Variants in LAMB4 observed in about 807,000 individuals in gnomAD.
The protein encoded by LAMB4 is laminin subunit beta-4.
A neutral mutation model predicts 199.2 loss-of-function variants in LAMB4; 196 were observed. That is an observed-to-expected ratio of 0.98 (90% CI 0.88 to 1.11). The LOEUF is 1.11. Ranked by LOEUF, LAMB4 falls within the 50% of genes least tolerant of loss-of-function variation. The pLI, the probability that LAMB4 is intolerant of heterozygous loss-of-function variation, is 0.00. For missense variants in LAMB4, 2,080 were observed against 2,171.2 expected, an observed-to-expected ratio of 0.96 and a Z score of 0.83; for synonymous variants, 744 against 770.6, an observed-to-expected ratio of 0.97 and a Z score of 0.57.
chr7:108,063,260 C>T (rs1365665349), intron 22 of LAMB4, among the ~76,000 whole-genome samples: 1 of 152,136 alleles, frequency 6.6e-6, no homozygotes, highest in African/African-American at 2.4e-5. Context: ...ATTTTTCCCT[C>T]ATGTCACTCA....
intron 4 of LAMB4, among the ~76,000 whole-genome samples, chr7:108,109,723 G>A (rs1235589508): frequency 6.6e-6 from 1 of 152,132 alleles, no homozygotes; most frequent in Non-Finnish European, 1.5e-5. Context: ...TATTCCCCTT[G>A]GAGTGGGGAC....
chr7:108,025,439 T>TCTTTTCTTTTCTTTCTTTCTTTC (rs1563024866), intron 33 of LAMB4, among the ~76,000 whole-genome samples: 1 of 127,884 alleles, frequency 7.8e-6, no homozygotes, highest in African/African-American at 4.4e-5. Context: ...TTTCTTTTTT[T>TCTTTTCTTTTCTTTCTTTCTTTC]TTTTTTGAGA....
chr7:108,045,488 C>T (rs1194628279), intron 28 of LAMB4, among the ~76,000 whole-genome samples: 1 of 152,208 alleles, frequency 6.6e-6, no homozygotes, highest in Non-Finnish European at 1.5e-5. Context: ...TCCAGTTCTC[C>T]ATTTATGTGC....
intron 5 of LAMB4, among the ~76,000 whole-genome samples, chr7:108,108,890 T>TTATCTTTA (rs1563101441): frequency 6.6e-6 from 1 of 152,190 alleles, no homozygotes; most frequent in Non-Finnish European, 1.5e-5. Context: ...CTCCCAAAAA[T>TTATCTTTA]TATCTTTATA....
chr7:108,028,046 A>G (rs2034897886), intron 33 of LAMB4, among the ~76,000 whole-genome samples: 1 of 152,014 alleles, frequency 6.6e-6, no homozygotes, highest in Non-Finnish European at 1.5e-5. Context: ...AGCCTCCCAA[A>G]GTGTTGGGAT....
chr7:108,121,980 A>G (rs990366102), intron 2 of LAMB4, among the ~76,000 whole-genome samples: 2 of 152,174 alleles, frequency 1.3e-5, no homozygotes, highest in Admixed American at 1.3e-4. Flanking sequence ...TGGGAGTTTG[A>G]CCATGGCAAC....
the LAMB4 span, among the ~76,000 whole-genome samples, chr7:108,013,018 T>C: frequency 6.6e-6 from 1 of 152,214 alleles, no homozygotes. Context: ...TAGATTATTC[T>C]AGAACAGATG....
In LAMB4 at chr7:108,037,431, C is replaced by G. The variant is rs2035268897; in HGVS notation, c.4636G>C (p.Ala1546Pro). 4 of 1,614,066 alleles carry G rather than the reference C, an allele frequency of 2.5e-6. No individual in the cohort carries two copies. Among genetic ancestry groups the G allele is most frequent in the Non-Finnish European group, 3.4e-6 (4 of 1,180,026 alleles). The stretch of plus-strand genomic sequence containing the variant: ...ACCAAAAGCTTTTGGGCTCCATCTG[C>G]TTCTTCATTTAACCTGTTTTCATCT... ...RTDENRLNEE[A>P]DGAQKLLVKA... The change falls in exon 30 of 34, where the codon GCA (alanine) becomes CCA (proline). Residue 1546 changes from alanine (A) to proline (P), a missense_variant. Physicochemically the swap from Ala to Pro is conservative, Grantham distance 27. Transcript: ENST00000388781.
At chr7:108,067,796 G>T (rs371887162) in intron 19 of LAMB4, among the ~76,000 whole-genome samples, 1 of 152,166 alleles carries the variant, frequency 6.6e-6, no homozygotes, top group Non-Finnish European at 1.5e-5. Context: ...ATTACTCTCG[G>T]TTCCTAATGC....
rs180922864 is a variant in LAMB4, at chr7:108,083,468, G to A, written c.1702-3682C>T. ...GGCCGATTCACCAAGGTGGGAAAAC[G>A]TAATATCCCCTCTGCACAATAGATC... On this transcript the variant is annotated intron_variant, in intron 14 of 33. Coordinates refer to ENST00000388781, the MANE Select transcript of LAMB4 (RefSeq NM_007356.3). 1.5e-3 allele frequency among the ~76,000 whole-genome samples: 232 copies of A among 152,262 alleles called. 2 individuals are homozygous for A. The highest frequency in any genetic ancestry group is 5.4e-3 in the African/African-American group (223 of 41,548).
chr7:108,109,025 A>G (rs1015345860), intron 5 of LAMB4, 146 bp downstream of exon 5: 3 of 622,936 alleles, frequency 4.8e-6, no homozygotes, highest in South Asian at 3.8e-5. Flanking sequence ...TTCTTCATGT[A>G]AGAGTCAAAG....
chr7:108,092,501 T>C, intron 12 of LAMB4, 85 bp from the exon 13 acceptor site: 1 of 1,012,734 alleles, frequency 9.9e-7, no homozygotes, highest in Non-Finnish European at 1.6e-6. Context: ...ACAATGCAAT[T>C]GCCACACGTC....
At chr7:108,020,866 C>G (rs2034678042), downstream of LAMB4, among the ~76,000 whole-genome samples, 1 of 152,168 alleles carries the variant, frequency 6.6e-6, no homozygotes, top group Non-Finnish European at 1.5e-5. Flanking sequence ...CTATTTCAAG[C>G]TGTAAAGGAT....
Position 108,081,112 on chromosome 7 carries a change from GAATAA to G in LAMB4, c.1702-1331_1702-1327del, listed in dbSNP as rs1034728607. ...ACTCCAGCCTGGGCGACAGAGCGAG[GAATAA>G]AATAAAATAAAATAAAATACCCTTG... On this transcript the variant is annotated intron_variant, in intron 14 of 33. Transcript: ENST00000388781. 3.3e-5 allele frequency among the ~76,000 whole-genome samples: 5 copies of G among 151,982 alleles called. No homozygotes were observed. In the South Asian group the frequency reaches 8.3e-4, roughly 25 times the overall value.
Position 108,057,863 on chromosome 7 carries a change from A to C in LAMB4, c.3348T>G (p.Asn1116Lys), listed in dbSNP as rs928990287. ...GGKRCSECQE[N>K]YYGDPPGRCI... ...ATCGCCCAGGTGGATCACCATAATA[A>C]TTTTCCTGGCACTCACTGCAACGTT... The change falls in exon 24 of 34, where the codon AAT becomes AAG. Residue 1116 changes from asparagine (N) to lysine (K), a missense_variant. Transcript: ENST00000388781. 2 of 1,612,740 alleles carry C rather than the reference A, an allele frequency of 1.2e-6. No homozygotes were observed. The highest frequency in any genetic ancestry group is 8.5e-7 in the Non-Finnish European group (1 of 1,179,422).
In LAMB4 at chr7:108,062,936, A is replaced by T; in HGVS notation, c.3120T>A (p.Ala1040=). The T allele has an allele frequency of 6.2e-7, 1 of 1,609,136 alleles. No homozygotes were observed. Among genetic ancestry groups the T allele is most frequent in the Non-Finnish European group, 8.5e-7 (1 of 1,178,046 alleles). Residue 1040 remains alanine, a synonymous_variant, in exon 23 of 34, where the codon GCT becomes GCA. Coordinates refer to ENST00000388781, the MANE Select transcript of LAMB4 (RefSeq NM_007356.3). ...CACCAGTGACAGGGTCACAGAGGCA[A>T]GCTCCCCCACCAGGGGGACACTCCA... ...SPMECPPGGG[A]CLCDPVTGAC...
intron 25 of LAMB4, among the ~76,000 whole-genome samples, chr7:108,054,346 C>G (rs944410496): frequency 6.6e-6 from 1 of 152,100 alleles, no homozygotes; most frequent in Non-Finnish European, 1.5e-5. Context: ...ATGCAGTGGC[C>G]CTTTCCCTGA....
At chr7:108,124,462 G>GTA (rs1227848057) in intron 1 of LAMB4, among the ~76,000 whole-genome samples, 8 of 151,888 alleles carry the variant, frequency 5.3e-5, no homozygotes, top group Non-Finnish European at 8.8e-5. Context: ...TATAAAGATT[G>GTA]TATATATATA....
chr7:108,094,728 T>C (rs1207558141), intron 12 of LAMB4, among the ~76,000 whole-genome samples: 1 of 152,200 alleles, frequency 6.6e-6, no homozygotes, highest in African/African-American at 2.4e-5. Context: ...CATCTAAAAT[T>C]GTATGTTTAG....
Sources: gnomAD v4.1 joint callset for allele counts (sites outside exome capture counted in the v4.1 genomes callset) on GRCh38, gnomAD v4.1.1 for gene constraint, MANE v1.5 for transcripts, NCBI Gene and HGNC (gene_info 2026-07-23, HGNC 2026-07-21) for gene names.